Variants in CEP128 observed in about 807,000 individuals in gnomAD.
The protein encoded by CEP128 is centrosomal protein 128kDa.
In CEP128, 132 loss-of-function variants were observed where a neutral mutation model predicts 156.7. That is an observed-to-expected ratio of 0.84 (90% confidence interval 0.73 to 0.97). The LOEUF (loss-of-function observed/expected upper bound fraction) is 0.97. Among genes scored for constraint, CEP128 ranks in the 50% least tolerant of loss-of-function variants. The pLI is 0.00. For missense variants in CEP128, 1,252 were observed against 1,281.9 expected (o/e 0.98, Z 0.36); for synonymous variants, 469 against 448.9 (o/e 1.04, Z -0.57).
At chr14:80,797,440 TCCTGGATGAACA>T (rs1262320959) in intron 13 of CEP128, among the ~76,000 whole-genome samples, 1 of 152,200 alleles carries the variant, frequency 6.6e-6, no homozygotes, top group Non-Finnish European at 1.5e-5. Flanking sequence ...TTTGAATTTG[TCCTGGATGAACA>T]CCTCTTCTAA....
chr14:80,533,281 T>C (rs1345592358), intron 21 of CEP128, among the ~76,000 whole-genome samples: 1 of 152,148 alleles, frequency 6.6e-6, no homozygotes, highest in African/African-American at 2.4e-5. Flanking sequence ...CATAAAATCC[T>C]CTTCATAAAC....
At chr14:80,721,143 G>A (rs776782810) in intron 19 of CEP128, among the ~76,000 whole-genome samples, 8 of 152,016 alleles carry the variant, frequency 5.3e-5, no homozygotes, top group Non-Finnish European at 1.0e-4. Flanking sequence ...GCTATAAATT[G>A]TCTATATTGT....
intron 19 of CEP128, among the ~76,000 whole-genome samples, chr14:80,590,142 C>T (rs562519624): frequency 1.3e-5 from 2 of 152,090 alleles, no homozygotes; most frequent in South Asian, 4.1e-4. Flanking sequence ...TGTACTGAAA[C>T]AAGGACATGA....
intron 13 of CEP128, among the ~76,000 whole-genome samples, chr14:80,828,813 T>A (rs531564166): frequency 6.6e-6 from 1 of 152,340 alleles, no homozygotes; most frequent in African/African-American, 2.4e-5. Context: ...TATATATATG[T>A]TCTTGGGCCT....
chr14:80,598,734 A>C (rs182959748), intron 19 of CEP128, among the ~76,000 whole-genome samples: 111 of 152,324 alleles, frequency 7.3e-4, no homozygotes, highest in African/African-American at 2.4e-3. Context: ...TTATGGAGTT[A>C]GAGTATCAAG....
chr14:80,778,148 A>G, intron 15 of CEP128, 102 bp from the exon 16 acceptor site: 1 of 935,060 alleles, frequency 1.1e-6, no homozygotes, highest in Non-Finnish European at 1.7e-6. Context: ...GCAAGATTTC[A>G]GCTCGTTCAA....
chr14:80,570,415 C>A (rs1891090465), intron 20 of CEP128, among the ~76,000 whole-genome samples: 1 of 152,070 alleles, frequency 6.6e-6, no homozygotes. Flanking sequence ...CGTGCCCGGC[C>A]CATATGTTCT....
At chr14:80,890,829 A>C (rs567934654) in intron 8 of CEP128, among the ~76,000 whole-genome samples, 10 of 152,244 alleles carry the variant, frequency 6.6e-5, no homozygotes, top group Non-Finnish European at 1.0e-4. Flanking sequence ...ACCATTATTC[A>C]TAAGGAGCTC....
chr14:80,760,602 T>A (rs796772446), intron 17 of CEP128, among the ~76,000 whole-genome samples: 2 of 152,208 alleles, frequency 1.3e-5, no homozygotes, highest in African/African-American at 4.8e-5. Context: ...TATCACCAAA[T>A]GCAGTAAACA....
chr14:80,949,172 C>G (rs748648482), intron 2 of CEP128, among the ~76,000 whole-genome samples: 1 of 152,078 alleles, frequency 6.6e-6, no homozygotes, highest in Non-Finnish European at 1.5e-5. Context: ...GACCATGATC[C>G]CTGAAAGACA....
intron 9 of CEP128, among the ~76,000 whole-genome samples, chr14:80,853,526 A>AG (rs1235352057): frequency 6.6e-6 from 1 of 151,576 alleles, no homozygotes. Flanking sequence ...TTTAAAAAAA[A>AG]ATCCCATTCC....
chr14:80,526,465 A>G (rs1888977737), intron 23 of CEP128, among the ~76,000 whole-genome samples: 1 of 152,148 alleles, frequency 6.6e-6, no homozygotes, highest in Non-Finnish European at 1.5e-5. Context: ...GAAGAAAATG[A>G]CTAGAATTCC....
intron 19 of CEP128, among the ~76,000 whole-genome samples, chr14:80,726,405 C>T (rs1312187506): frequency 1.3e-5 from 2 of 152,182 alleles, no homozygotes; most frequent in East Asian, 1.9e-4. Flanking sequence ...CCAACTAGAG[C>T]TACTCCATCA....
In CEP128 at chr14:80,656,273, TTTTATTTATATATATATTTATA is replaced by T. The variant is rs1163677859; in HGVS notation, c.2807-75872_2807-75851del. Among the ~76,000 whole-genome samples, 25 of 51,328 alleles carry T rather than the reference TTTTATTTATATATATATTTATA, an allele frequency of 4.9e-4. 1 individual carries two copies. The highest frequency in any genetic ancestry group is 1.2e-3 in the African/African-American group (20 of 16,078). The allele number at this position is 51,328 out of a possible 152,430, so 33.7% of individuals were successfully genotyped here. A position where few individuals can be genotyped will look rare whatever the true frequency, so the allele number is the denominator to read the frequency against. Reference sequence around the variant, plus strand: ...CAAGTATTTCTCAATAAACCTAAGTTTTTATTTATATATATATTTATATATATATATATATATATATATATAT... The same window carrying T: ...CAAGTATTTCTCAATAAACCTAAGTTTATATATATATATATATATATATAT... On this transcript the variant is annotated intron_variant, in intron 19 of 24. Transcript: ENST00000555265.
chr14:80,521,565 T>C (rs898560124), intron 23 of CEP128, among the ~76,000 whole-genome samples: 17 of 152,212 alleles, frequency 1.1e-4, no homozygotes, highest in Non-Finnish European at 2.2e-4. Context: ...TAGTTAAATA[T>C]GGCTTGCAGG....
intron 20 of CEP128, among the ~76,000 whole-genome samples, chr14:80,562,621 G>A (rs1037835298): frequency 6.7e-6 from 1 of 150,312 alleles, no homozygotes; most frequent in African/African-American, 2.4e-5. Flanking sequence ...ATTCTCAATG[G>A]AAAATAAGCC....
chr14:80,784,623 A>T (rs1001511392), intron 15 of CEP128, among the ~76,000 whole-genome samples: 7 of 152,134 alleles, frequency 4.6e-5, no homozygotes, highest in African/African-American at 1.7e-4. Context: ...CAGGTCCATG[A>T]CTTACTGCCA....
chr14:80,693,905 G>A (rs974636300), intron 19 of CEP128, among the ~76,000 whole-genome samples: 1 of 152,168 alleles, frequency 6.6e-6, no homozygotes, highest in African/African-American at 2.4e-5. Flanking sequence ...AATTGAATAA[G>A]AAACCATTTT....
At chr14:80,742,914 C>A (rs1238944158) in intron 19 of CEP128, 161 bp downstream of exon 19, 7 of 627,938 alleles carry the variant, frequency 1.1e-5, no homozygotes, top group African/African-American at 5.5e-5. Flanking sequence ...TTTCTCTTCT[C>A]GTCCCAGAAA....
Sources: allele counts gnomAD v4.1 joint callset (sites outside exome capture counted in the v4.1 genomes callset), GRCh38; gene constraint gnomAD v4.1.1; transcripts MANE v1.5; gene names NCBI Gene and HGNC (gene_info 2026-07-23, HGNC 2026-07-21).